Variants in CLSTN2 observed in about 807,000 individuals in gnomAD.
CLSTN2 encodes calsyntenin 2.
CLSTN2 carries 48 observed loss-of-function variants against 101.2 expected under a neutral mutation model. That is an observed-to-expected ratio of 0.47 (90% CI 0.38 to 0.60). The LOEUF is 0.60. CLSTN2 is among the 20% of genes least tolerant of loss of function. The pLI is 0.00. For missense variants in CLSTN2, 1,160 were observed against 1,238.2 expected (o/e 0.94, Z 0.95); for synonymous variants, 481 against 463.6 (o/e 1.04, Z -0.48).
At chr3:140,060,474 C>T (rs937319821) in intron 1 of CLSTN2, among the ~76,000 whole-genome samples, 2 of 152,144 alleles carry the variant, frequency 1.3e-5, no homozygotes, top group African/African-American at 4.8e-5. Flanking sequence ...TTGACTTTCC[C>T]AGGTAAGTGA....
chr3:140,114,355 T>G (rs2009205330), intron 1 of CLSTN2, among the ~76,000 whole-genome samples: 2 of 152,178 alleles, frequency 1.3e-5, no homozygotes, highest in African/African-American at 2.4e-5. Flanking sequence ...GTCTGCCCCA[T>G]GGTGCTCCCG....
chr3:140,551,342 T>G (rs1046791561), intron 10 of CLSTN2, among the ~76,000 whole-genome samples: 1 of 152,190 alleles, frequency 6.6e-6, no homozygotes, highest in African/African-American at 2.4e-5. Flanking sequence ...TGTCTTCTTC[T>G]GAATCATGCA....
chr3:140,020,628 G>C (rs1473822402), intron 1 of CLSTN2, among the ~76,000 whole-genome samples: 1 of 152,170 alleles, frequency 6.6e-6, no homozygotes, highest in African/African-American at 2.4e-5. Flanking sequence ...GATGGCAAAT[G>C]CAAGGCCAGA....
At chr3:140,091,331 A>G (rs2008776714) in intron 1 of CLSTN2, among the ~76,000 whole-genome samples, 1 of 152,152 alleles carries the variant, frequency 6.6e-6, no homozygotes, top group Non-Finnish European at 1.5e-5. Context: ...TTAACAAAGC[A>G]GTGCAAAATC....
At chr3:140,396,830 T>G (rs949240730) in intron 2 of CLSTN2, among the ~76,000 whole-genome samples, 1 of 152,190 alleles carries the variant, frequency 6.6e-6, no homozygotes, top group Non-Finnish European at 1.5e-5. Context: ...ATGGGTCATG[T>G]TTTTAGCATC....
In CLSTN2 at chr3:140,319,792, TG is replaced by T. The variant is rs550332396; in HGVS notation, c.233-83836del. The stretch of plus-strand genomic sequence containing the variant: ...CCTTCTAGGAATTTCTTTCTGTCTC[TG>T]CTCCAAATAATAATCATTTTGCTCT... On this transcript the variant is annotated intron_variant, in intron 2 of 16. Transcript: ENST00000458420. 3.3e-5 allele frequency among the ~76,000 whole-genome samples: 5 copies of T among 152,368 alleles called. No individual in the cohort carries two copies. In the East Asian group the frequency reaches 9.6e-4, roughly 29 times the overall value.
rs144424882 is a variant in CLSTN2, at chr3:140,372,166, C to T, written c.233-31463C>T. On this transcript the variant is annotated intron_variant, in intron 2 of 16. Transcript: ENST00000458420. ...CACTCATGTCTTTCTCCCCAGCCACCGTGCTCCTCGTAGTATCCGGGATGA... is the reference window on the plus strand; with the variant it reads ...CACTCATGTCTTTCTCCCCAGCCACTGTGCTCCTCGTAGTATCCGGGATGA... 4.8e-3 allele frequency among the ~76,000 whole-genome samples: 727 copies of T among 152,276 alleles called. 9 individuals carry two copies. Among genetic ancestry groups the T allele is most frequent in the African/African-American group, 0.016 (664 of 41,556 alleles).
intron 2 of CLSTN2, among the ~76,000 whole-genome samples, chr3:140,204,664 C>G (rs566377909): frequency 6.6e-6 from 1 of 152,306 alleles, no homozygotes; most frequent in African/African-American, 2.4e-5. Context: ...GTGTGATGAT[C>G]AGCCTGTCAC....
At chr3:140,149,689 C>T (rs1049379452) in intron 1 of CLSTN2, among the ~76,000 whole-genome samples, 2 of 152,210 alleles carry the variant, frequency 1.3e-5, no homozygotes, top group East Asian at 3.9e-4. Flanking sequence ...GATCTCTTGA[C>T]CTTGTGATCC....
At chr3:140,257,519 G>A (rs963512685) in intron 2 of CLSTN2, among the ~76,000 whole-genome samples, 3 of 151,782 alleles carry the variant, frequency 2.0e-5, no homozygotes, top group South Asian at 2.1e-4. Flanking sequence ...CTGGGAAAGA[G>A]CAGTAAGCAC....
At chr3:140,445,687 G>A (rs1193535293) in intron 5 of CLSTN2, among the ~76,000 whole-genome samples, 9 of 152,178 alleles carry the variant, frequency 5.9e-5, no homozygotes, top group African/African-American at 2.2e-4. Flanking sequence ...CAGAGAAGCT[G>A]CAAACAAGCC....
At chr3:140,277,667 C>A (rs779993027) in intron 2 of CLSTN2, among the ~76,000 whole-genome samples, 1 of 151,910 alleles carries the variant, frequency 6.6e-6, no homozygotes, top group African/African-American at 2.4e-5. Context: ...TTTCCCCTAC[C>A]AGTGCACTTA....
chr3:140,414,242 T>C (rs1227806155), intron 4 of CLSTN2, among the ~76,000 whole-genome samples: 1 of 152,064 alleles, frequency 6.6e-6, no homozygotes, highest in Non-Finnish European at 1.5e-5. Context: ...TTCATTTTTG[T>C]ACACTAACAA....
At chr3:140,073,976 A>G (rs561269026) in intron 1 of CLSTN2, among the ~76,000 whole-genome samples, 2 of 152,230 alleles carry the variant, frequency 1.3e-5, no homozygotes, top group East Asian at 3.9e-4. Context: ...AGGAAGGCTG[A>G]AGAGCATGAT....
At chr3:140,199,026 G>T (rs2010684646) in intron 2 of CLSTN2, among the ~76,000 whole-genome samples, 1 of 152,160 alleles carries the variant, frequency 6.6e-6, no homozygotes, top group African/African-American at 2.4e-5. Context: ...CCCTGTGTGG[G>T]GAAATTATTT....
intron 2 of CLSTN2, among the ~76,000 whole-genome samples, chr3:140,399,308 CA>C (rs1446183691): frequency 6.6e-6 from 1 of 152,132 alleles, no homozygotes; most frequent in African/African-American, 2.4e-5. Flanking sequence ...ACAAGCCTCA[CA>C]AAAAAAGTTC....
At chr3:140,459,879 G>A (rs1310390036) in intron 7 of CLSTN2, 110 bp downstream of exon 7, 2 of 1,255,612 alleles carry the variant, frequency 1.6e-6, no homozygotes, top group South Asian at 2.7e-5. Context: ...AAAAGCAGGA[G>A]CCTGAGAGGA....
chr3:139,951,421 G>A (rs1224841094), intron 1 of CLSTN2, among the ~76,000 whole-genome samples: 2 of 152,208 alleles, frequency 1.3e-5, no homozygotes, highest in Admixed American at 1.3e-4. Context: ...CCTGGTGGGG[G>A]ATGCTGGAAG....
intron 8 of CLSTN2, among the ~76,000 whole-genome samples, chr3:140,525,931 A>C (rs947577137): frequency 1.3e-5 from 2 of 152,186 alleles, no homozygotes; most frequent in Non-Finnish European, 2.9e-5. Context: ...TCAAAATATT[A>C]AAGGCCATCT....
Sources: allele counts gnomAD v4.1 joint callset (sites outside exome capture counted in the v4.1 genomes callset), GRCh38; gene constraint gnomAD v4.1.1; transcripts MANE v1.5; gene names NCBI Gene and HGNC (gene_info 2026-07-23, HGNC 2026-07-21).